Variants in FAR2 observed in about 807,000 individuals in gnomAD.
FAR2 encodes fatty acyl-CoA reductase 2, also known as epididymis secretory protein Li 81.
Under a neutral mutation model 56.0 loss-of-function variants are expected in FAR2, and 19 were observed. The ratio of observed to expected loss-of-function variants is 0.34; its 90% confidence interval spans 0.24 to 0.50. FAR2 has a LOEUF of 0.50. FAR2 is among the 20% of genes least tolerant of loss of function. FAR2 has a pLI of 0.98. For missense variants in FAR2, 508 were observed against 642.2 expected (o/e 0.79, Z 2.26); for synonymous variants, 219 against 218.8 (o/e 1.00, Z -0.01).
At chr12:29,176,110 T>C (rs1467852487) in intron 1 of FAR2, among the ~76,000 whole-genome samples, 1 of 152,224 alleles carries the variant, frequency 6.6e-6, no homozygotes, top group East Asian at 1.9e-4. Flanking sequence ...GCACTAAACA[T>C]AGCAGGAAGT....
In FAR2 at chr12:29,198,286, G is replaced by A. The variant is rs763653901; in HGVS notation, c.-39+48879G>A. On this transcript the variant is annotated intron_variant, in intron 1 of 11. Transcript: ENST00000536681. The stretch of plus-strand genomic sequence containing the variant: ...TTTGTTGCCGGGCTGGAGTGCAGCC[G>A]GGCATGATCTCTGCTCACTGCAAGC... Among the ~76,000 whole-genome samples, 6 of 151,774 alleles carry A rather than the reference G, an allele frequency of 4.0e-5. No homozygotes were observed. In the South Asian group the frequency reaches 8.3e-4, roughly 21 times the overall value.
At chr12:29,186,882 G>C (rs944233206) in intron 1 of FAR2, among the ~76,000 whole-genome samples, 22 of 151,960 alleles carry the variant, frequency 1.4e-4, no homozygotes, top group Admixed American at 2.6e-4. Context: ...TCCGCCTCCC[G>C]GGTTCACGCC....
At chr12:29,272,213 T>C (rs1419155509) in intron 2 of FAR2, among the ~76,000 whole-genome samples, 2 of 152,324 alleles carry the variant, frequency 1.3e-5, no homozygotes, top group South Asian at 2.1e-4. Context: ...CTGGATAATA[T>C]CCTAAAATGT....
At chr12:29,232,377 T>C (rs561131755) in intron 1 of FAR2, among the ~76,000 whole-genome samples, 2 of 152,218 alleles carry the variant, frequency 1.3e-5, no homozygotes, top group East Asian at 3.9e-4. Context: ...CCCACTCGCA[T>C]CTTCATGTTC....
chr12:29,232,712 G>A (rs1947877715), intron 1 of FAR2, among the ~76,000 whole-genome samples: 1 of 151,834 alleles, frequency 6.6e-6, no homozygotes, highest in Admixed American at 6.6e-5. Flanking sequence ...TCTCTGTATA[G>A]TCTTTCATAG....
intron 1 of FAR2, among the ~76,000 whole-genome samples, chr12:29,237,141 A>T (rs1006936815): frequency 6.6e-6 from 1 of 152,130 alleles, no homozygotes; most frequent in African/African-American, 2.4e-5. Flanking sequence ...GCATTGTTAG[A>T]TTCCCCTTGA....
intron 9 of FAR2, chr12:29,317,596 T>C (rs1949473833): frequency 6.6e-6 from 1 of 152,592 alleles, no homozygotes; most frequent in Non-Finnish European, 1.5e-5. Flanking sequence ...GGTTGATGAA[T>C]TCAGCAAGTA....
chr12:29,272,035 A>T (rs1948627242), intron 2 of FAR2, among the ~76,000 whole-genome samples: 1 of 152,188 alleles, frequency 6.6e-6, no homozygotes, highest in African/African-American at 2.4e-5. Context: ...ATAGAACCAA[A>T]ACCTAGAATA....
chr12:29,154,421 T>G lies in FAR2; in HGVS notation c.-39+5014T>G, dbSNP rs112300661. Among the ~76,000 whole-genome samples the G allele has an allele frequency of 3.1e-3, 460 of 150,380 alleles. 3 individuals are homozygous for G. The highest frequency in any genetic ancestry group is 8.3e-3 in the African/African-American group (335 of 40,532). ...AGTTGTGGTTTTGTTTTTGTTTTTTTTTTTGTTTTGTTTTGTTTTGTTTTG... is the reference window on the plus strand; with the variant it reads ...AGTTGTGGTTTTGTTTTTGTTTTTTGTTTTGTTTTGTTTTGTTTTGTTTTG... On this transcript the variant is annotated intron_variant, in intron 1 of 11. Coordinates refer to ENST00000536681, the MANE Select transcript of FAR2 (RefSeq NM_001271783.2).
rs151130579 is a variant in FAR2, at chr12:29,316,995, C to T, written c.1110C>T (p.Leu370=). The T allele has an allele frequency of 6.6e-5, 106 of 1,613,298 alleles. 1 individual carries two copies. The Middle Eastern group carries it at 3.6e-3, about 55-fold the overall frequency. Reference sequence around the variant, plus strand: ...TTATCTATGACTGCTATCTGCGGCTCACTGGAAGGAAGCCCAGGTGAGAAG... The same window carrying T: ...TTATCTATGACTGCTATCTGCGGCTTACTGGAAGGAAGCCCAGGTGAGAAG... ...PAIIYDCYLR[L]TGRKPRMTKL... is the part of the protein sequence containing the mutation. Residue 370 remains leucine (L), a synonymous_variant, in exon 9 of 12, where the codon CTC becomes CTT. Coordinates refer to ENST00000536681, the MANE Select transcript of FAR2 (RefSeq NM_001271783.2).
intron 1 of FAR2, among the ~76,000 whole-genome samples, chr12:29,180,920 A>G (rs970839972): frequency 2.0e-5 from 3 of 152,244 alleles, no homozygotes; most frequent in African/African-American, 7.2e-5. Context: ...AGTTTGTGAT[A>G]TATCTTCTTA....
intron 1 of FAR2, among the ~76,000 whole-genome samples, chr12:29,266,758 C>T (rs1055222517): frequency 6.6e-6 from 1 of 151,888 alleles, no homozygotes; most frequent in Non-Finnish European, 1.5e-5. Context: ...ATCTCATGTG[C>T]CTTATAAATA....
intron 4 of FAR2, among the ~76,000 whole-genome samples, chr12:29,304,845 A>G (rs1406193201): frequency 6.6e-6 from 1 of 152,196 alleles, no homozygotes; most frequent in Non-Finnish European, 1.5e-5. Flanking sequence ...CTTCTTGAGT[A>G]TACTGGAGGA....
At chr12:29,254,658 A>G (rs773362790) in intron 1 of FAR2, among the ~76,000 whole-genome samples, 3 of 152,202 alleles carry the variant, frequency 2.0e-5, no homozygotes, top group Non-Finnish European at 4.4e-5. Context: ...TTCATTATAA[A>G]AGTTTACTCC....
intron 1 of FAR2, among the ~76,000 whole-genome samples, chr12:29,189,384 AC>A (rs1474813443): frequency 1.3e-5 from 2 of 152,116 alleles, no homozygotes; most frequent in African/African-American, 4.8e-5. Context: ...CCTTTGATAT[AC>A]CCGTATCCTT....
chr12:29,320,838 C>A (rs1042064788), intron 9 of FAR2, among the ~76,000 whole-genome samples: 1 of 152,098 alleles, frequency 6.6e-6, no homozygotes, highest in Admixed American at 6.5e-5. Flanking sequence ...CAAGTCCTGA[C>A]CACAAGATTG....
rs146837393 is a variant in FAR2 at position 29,173,825 on chromosome 12, G to A, written c.-39+24418G>A. On this transcript the variant is annotated intron_variant, in intron 1 of 11. Coordinates refer to ENST00000536681, the MANE Select transcript of FAR2 (RefSeq NM_001271783.2). ...GATCAGAATAGTTGCACTCACCTAC[G>A]CAGCAGCAGAAACACTAGTTTTCCT... Among the ~76,000 whole-genome samples, 858 of 152,138 alleles carry A rather than the reference G, an allele frequency of 5.6e-3. 5 individuals are homozygous for A. The highest frequency in any genetic ancestry group is 0.017 in the Middle Eastern group (5 of 294).
At chr12:29,330,400 T>C (rs1019631895) in intron 10 of FAR2, among the ~76,000 whole-genome samples, 2 of 152,170 alleles carry the variant, frequency 1.3e-5, no homozygotes, top group Admixed American at 6.6e-5. Context: ...TGTTTCTCCA[T>C]GCAAGTTGAG....
At chr12:29,166,783 TC>T (rs781508408) in intron 1 of FAR2, among the ~76,000 whole-genome samples, 19 of 152,214 alleles carry the variant, frequency 1.2e-4, no homozygotes, top group South Asian at 2.1e-4. Context: ...GACAGTTCAC[TC>T]TTGGACAGTG....
Sources: gnomAD v4.1 joint callset for allele counts (sites outside exome capture counted in the v4.1 genomes callset) on GRCh38, gnomAD v4.1.1 for gene constraint, MANE v1.5 for transcripts, NCBI Gene and HGNC (gene_info 2026-07-23, HGNC 2026-07-21) for gene names.